The following SNTG1 variants were observed in gnomAD, a reference collection of about 807,000 sequenced individuals.
The protein encoded by SNTG1 is gamma-1-syntrophin.
SNTG1 carries 39 observed loss-of-function variants against 74.7 expected under a neutral mutation model. That is an observed-to-expected ratio of 0.52 (90% CI 0.40 to 0.68). SNTG1 has a LOEUF of 0.68. Among genes scored for constraint, SNTG1 ranks in the 30% least tolerant of loss-of-function variants. SNTG1 has a pLI of 0.00. For missense variants in SNTG1, 685 were observed against 609.5 expected, an observed-to-expected ratio of 1.12 and a Z score of -1.30; for synonymous variants, 254 against 217.1, an observed-to-expected ratio of 1.17 and a Z score of -1.49.
At chr8:50,732,036 G>A (rs937170448) in intron 17 of SNTG1, among the ~76,000 whole-genome samples, 2 of 151,546 alleles carry the variant, frequency 1.3e-5, no homozygotes, top group South Asian at 2.1e-4. Context: ...CCATCTTTGG[G>A]GTATCCTACT....
intron 15 of SNTG1, among the ~76,000 whole-genome samples, chr8:50,699,721 T>C (rs529939777): frequency 8.1e-4 from 124 of 152,298 alleles, no homozygotes; most frequent in African/African-American, 2.8e-3. Context: ...TGGAGGCTAT[T>C]CTTTCTACTG....
intron 2 of SNTG1, among the ~76,000 whole-genome samples, chr8:50,174,878 C>G (rs891607695): frequency 1.7e-5 from 2 of 120,882 alleles, no homozygotes; most frequent in African/African-American, 6.5e-5. Flanking sequence ...CACCCCACAA[C>G]AGTCCCCGGT....
At chr8:50,702,076 C>CT (rs1282877212) in intron 15 of SNTG1, among the ~76,000 whole-genome samples, 2 of 16 alleles carry the variant, frequency 0.12, no homozygotes. Flanking sequence ...GTCTGGAACT[C>CT]CCCAACCTCA....
chr8:50,598,177 T>C (rs1381962071), intron 13 of SNTG1, among the ~76,000 whole-genome samples: 1 of 151,972 alleles, frequency 6.6e-6, no homozygotes, highest in Non-Finnish European at 1.5e-5. Context: ...TCCCTATGCT[T>C]TCTTCAAGTG....
At chr8:50,409,076 A>C (rs2092915306) in intron 4 of SNTG1, among the ~76,000 whole-genome samples, 1 of 152,150 alleles carries the variant, frequency 6.6e-6, no homozygotes, top group African/African-American at 2.4e-5. Context: ...AAACCTGCTC[A>C]TCACTCCCTG....
Position 50,795,482 on chromosome 8 carries a change from C to T in SNTG1, c.*2653C>T, listed in dbSNP as rs892917594. On this transcript the variant is annotated 3_prime_UTR_variant, in exon 19 of 19. Transcript: ENST00000642720. ...TTTATTCATAAAATCCTAGTTTGTA[C>T]ATTAAGCACATTTTAACAGCAAAAT... The T allele has an allele frequency of 2.0e-5, 3 of 151,960 alleles. No homozygotes were observed. In the East Asian group the frequency reaches 5.8e-4, roughly 29 times the overall value. The allele number at this position is 151,960 out of a possible 1,614,324, so 9.4% of individuals were successfully genotyped here.
At chr8:50,131,691 G>A (rs1258994458) in intron 1 of SNTG1, among the ~76,000 whole-genome samples, 1 of 152,014 alleles carries the variant, frequency 6.6e-6, no homozygotes, top group Admixed American at 6.6e-5. Context: ...TTTATTTTGT[G>A]GATATATACT....
intron 12 of SNTG1, among the ~76,000 whole-genome samples, chr8:50,583,273 G>A (rs990667562): frequency 1.3e-5 from 2 of 151,764 alleles, no homozygotes; most frequent in African/African-American, 4.8e-5. Context: ...CATGGTGGCG[G>A]CGCCTATAAT....
At chr8:50,376,798 C>T (rs1050240227) in intron 2 of SNTG1, among the ~76,000 whole-genome samples, 1 of 138,706 alleles carries the variant, frequency 7.2e-6, no homozygotes, top group African/African-American at 2.6e-5. Flanking sequence ...AGTGCTTCCC[C>T]AAGGGTTTGA....
chr8:50,613,091 T>A (rs1466722789), intron 13 of SNTG1, among the ~76,000 whole-genome samples: 1 of 152,122 alleles, frequency 6.6e-6, no homozygotes, highest in Non-Finnish European at 1.5e-5. Context: ...TCTGTTAAAA[T>A]CCAAGAGCAA....
chr8:50,688,739 G>A (rs1308630034), intron 15 of SNTG1, among the ~76,000 whole-genome samples: 1 of 152,092 alleles, frequency 6.6e-6, no homozygotes, highest in Non-Finnish European at 1.5e-5. Context: ...TGGCAATGCG[G>A]GCTATTTTTT....
intron 2 of SNTG1, among the ~76,000 whole-genome samples, chr8:50,346,083 A>G (rs1441068416): frequency 6.6e-6 from 1 of 152,192 alleles, no homozygotes; most frequent in African/African-American, 2.4e-5. Flanking sequence ...ATGGTATTCC[A>G]ACTGCCCAAA....
intron 15 of SNTG1, among the ~76,000 whole-genome samples, chr8:50,691,506 G>A (rs7841450): frequency 0.11 from 16,011 of 152,106 alleles, 2,381 homozygotes; most frequent in African/African-American, 0.33. Flanking sequence ...CTTCAGTTAT[G>A]AAGCTTAGTT....
intron 1 of SNTG1, among the ~76,000 whole-genome samples, chr8:50,154,232 G>A (rs899442097): frequency 4.6e-5 from 7 of 152,166 alleles, no homozygotes; most frequent in African/African-American, 1.4e-4. Flanking sequence ...CCCAAGCCAG[G>A]CATGGGATAT....
chr8:50,469,345 GTC>G (rs908359733), intron 8 of SNTG1, among the ~76,000 whole-genome samples: 1 of 152,010 alleles, frequency 6.6e-6, no homozygotes, highest in African/African-American at 2.4e-5. Context: ...AGACCCAGTA[GTC>G]TCAGGACTGC....
intron 2 of SNTG1, among the ~76,000 whole-genome samples, chr8:50,249,345 G>C (rs1289448030): frequency 1.3e-5 from 2 of 152,220 alleles, no homozygotes; most frequent in African/African-American, 4.8e-5. Flanking sequence ...CAGCAAAACT[G>C]CATGCACCTG....
chr8:50,383,990 C>T (rs1278126342), intron 2 of SNTG1, among the ~76,000 whole-genome samples: 4 of 152,128 alleles, frequency 2.6e-5, no homozygotes, highest in African/African-American at 4.8e-5. Context: ...ATGAAGACCT[C>T]TAAACCAGAA....
At chr8:50,453,345 G>C (rs1260298111) in intron 8 of SNTG1, among the ~76,000 whole-genome samples, 4 of 152,082 alleles carry the variant, frequency 2.6e-5, no homozygotes, top group Non-Finnish European at 4.4e-5. Flanking sequence ...ATTTCTCATG[G>C]GACCAGTACG....
Position 50,759,959 on chromosome 8 carries a change from A to AT in SNTG1, c.1395+7854dup, listed in dbSNP as rs1392457342. ...GCATGTGGCCATTTTCATGATATTG[A>AT]TTTTTTCTATCCATGAGCATGGAAT... On this transcript the variant is annotated intron_variant, in intron 18 of 18. Coordinates refer to ENST00000642720, the MANE Select transcript of SNTG1 (RefSeq NM_018967.5). 2.0e-5 allele frequency among the ~76,000 whole-genome samples: 3 copies of AT among 151,860 alleles called. No individual in the cohort carries two copies. The East Asian group carries it at 5.8e-4, about 30-fold the overall frequency.
Sources: allele counts gnomAD v4.1 joint callset (sites outside exome capture counted in the v4.1 genomes callset), GRCh38; gene constraint gnomAD v4.1.1; transcripts MANE v1.5; gene names NCBI Gene and HGNC (gene_info 2026-07-23, HGNC 2026-07-21).